Variants in ARHGEF7 observed in about 807,000 individuals in gnomAD.
The protein encoded by ARHGEF7 is Rho guanine nucleotide exchange factor 7, also known as PAK-interacting exchange factor beta.
In ARHGEF7, 33 loss-of-function variants were observed where a neutral mutation model predicts 109.8. The observed-to-expected ratio is 0.30, with a 90% CI of 0.23 to 0.40. The LOEUF (loss-of-function observed/expected upper bound fraction) is 0.40. Among genes scored for constraint, ARHGEF7 ranks in the 10% least tolerant of loss-of-function variants. ARHGEF7 has a pLI of 1.00. For synonymous variants in ARHGEF7, 458 were observed against 424.6 expected (o/e 1.08, Z -0.97); for missense variants, 938 against 1,098.5 (o/e 0.85, Z 2.07).
At chr13:111,167,656 A>G (rs1226910037) in intron 2 of ARHGEF7, among the ~76,000 whole-genome samples, 1 of 152,176 alleles carries the variant, frequency 6.6e-6, no homozygotes, top group Non-Finnish European at 1.5e-5. Context: ...TTCTGAGCAA[A>G]CAGAGTGTTA....
At position 111,153,939 on chromosome 13, in the gene ARHGEF7, T is replaced by A; in HGVS notation, c.200T>A (p.Leu67Gln). The A allele has an allele frequency of 6.2e-7, 1 of 1,605,726 alleles. No individual in the cohort carries two copies. Residue 67 changes from leucine (L) to glutamine (Q), a missense_variant, in exon 2 of 22, where the codon CTG (leucine) becomes CAG (glutamine). Physicochemically the swap from Leu to Gln is moderately radical, Grantham distance 113. This residue lies in a region of ARHGEF7 where 165 missense variants were observed against 125.8 expected (regional missense o/e 1.31). Transcript: ENST00000646102. Reference sequence around the variant, plus strand: ...GAGCCCCGGAGCGAGAGCGAGTGCCTGAGCAACATCCGCGAGTTCCTGCGC... The same window carrying A: ...GAGCCCCGGAGCGAGAGCGAGTGCCAGAGCAACATCCGCGAGTTCCTGCGC... ...YPEPRSESEC[L>Q]SNIREFLRGC... is the part of the protein sequence containing the mutation.
intron 4 of ARHGEF7, among the ~76,000 whole-genome samples, chr13:111,211,149 T>A (rs928299069): frequency 6.6e-6 from 1 of 152,184 alleles, no homozygotes; most frequent in Non-Finnish European, 1.5e-5. Context: ...AGTGCTGCAG[T>A]CCTCACAGCA....
intron 1 of ARHGEF7, among the ~76,000 whole-genome samples, chr13:111,136,601 A>G (rs574274262): frequency 6.6e-6 from 1 of 152,382 alleles, no homozygotes; most frequent in East Asian, 1.9e-4. Flanking sequence ...AGGAGTGTGT[A>G]GAGGGAAATT....
At chr13:111,133,949 C>A (rs950241051) in intron 1 of ARHGEF7, among the ~76,000 whole-genome samples, 2 of 151,032 alleles carry the variant, frequency 1.3e-5, no homozygotes, top group East Asian at 2.0e-4. Context: ...CTATCCCTCC[C>A]TCCTCCCCCC....
intron 8 of ARHGEF7, among the ~76,000 whole-genome samples, chr13:111,259,360 C>T (rs1010044294): frequency 1.3e-5 from 2 of 152,198 alleles, no homozygotes; most frequent in Non-Finnish European, 2.9e-5. Flanking sequence ...TCATCCTTCT[C>T]TAGCTCCAGC....
intron 8 of ARHGEF7, among the ~76,000 whole-genome samples, chr13:111,252,337 A>G (rs772366870): frequency 3.3e-5 from 5 of 152,248 alleles, no homozygotes; most frequent in Non-Finnish European, 7.3e-5. Context: ...TTAAGATAAG[A>G]TAGTGAGTGC....
chr13:111,277,366 A>G (rs575360492), intron 12 of ARHGEF7, among the ~76,000 whole-genome samples: 4 of 152,266 alleles, frequency 2.6e-5, no homozygotes, highest in South Asian at 4.1e-4. Flanking sequence ...CTCTTTACCT[A>G]TATGTTAAAG....
intron 2 of ARHGEF7, among the ~76,000 whole-genome samples, chr13:111,195,504 T>A (rs539036895): frequency 3.9e-5 from 6 of 152,316 alleles, no homozygotes; most frequent in African/African-American, 1.4e-4. Context: ...AGATTAACAC[T>A]GAGAAGGCCT....
chr13:111,126,486 T>C, intron 1 of ARHGEF7, among the ~76,000 whole-genome samples: 1 of 144,948 alleles, frequency 6.9e-6, no homozygotes, highest in African/African-American at 2.6e-5. Flanking sequence ...CGAGACTCCA[T>C]CTCAAAAAAA....
intron 15 of ARHGEF7, chr13:111,281,181 C>CTTTTGTTTTT (rs2092756570): frequency 1.7e-5 from 1 of 59,422 alleles, no homozygotes; most frequent in Non-Finnish European, 3.1e-5. Flanking sequence ...TATTTAGAGA[C>CTTTTGTTTTT]TTTTTTTTTT....
chr13:111,239,840 G>A lies in ARHGEF7; in HGVS notation c.760-4032G>A, dbSNP rs61711997. Reference sequence around the variant, plus strand: ...GTAGGCACTAGTGGAATGCTGACACGGAGAGGAGCTCAGTGTTTGGGAGGA... The same window carrying A: ...GTAGGCACTAGTGGAATGCTGACACAGAGAGGAGCTCAGTGTTTGGGAGGA... On this transcript the variant is annotated intron_variant, in intron 6 of 21. Coordinates refer to ENST00000646102, the MANE Select transcript of ARHGEF7 (RefSeq NM_001354046.2). This position sits in a 1 kb window ranked among gnomAD's most constrained non-coding sequence, Gnocchi z 4.3. Among the ~76,000 whole-genome samples, 2,920 of 152,176 alleles carry A rather than the reference G, an allele frequency of 0.019. 100 individuals are homozygous for A. Among genetic ancestry groups the A allele is most frequent in the African/African-American group, 0.067 (2,781 of 41,492 alleles).
At chr13:111,133,781 ATATATATATATATATATATATATATAT>A (rs1566606607) in intron 1 of ARHGEF7, among the ~76,000 whole-genome samples, 7 of 72,542 alleles carry the variant, frequency 9.6e-5, no homozygotes, top group African/African-American at 2.5e-4. Flanking sequence ...ATATATATAT[ATATATATATATATATATATATATATAT>A]ATATATTTAT....
Position 111,153,641 on chromosome 13 carries a change from G to A in ARHGEF7, c.166-264G>A, listed in dbSNP as rs536017140. ...CGGGCCGGCGGGGGCGCGGTCTGAGGACGTCACTTCCGGCGCCGGGGCTCA... is the reference window on the plus strand; with the variant it reads ...CGGGCCGGCGGGGGCGCGGTCTGAGAACGTCACTTCCGGCGCCGGGGCTCA... On this transcript the variant is annotated intron_variant, in intron 1 of 21. Coordinates refer to ENST00000646102, the MANE Select transcript of ARHGEF7 (RefSeq NM_001354046.2). 690 of 1,220,438 alleles carry A rather than the reference G, an allele frequency of 5.7e-4. 1 individual carries two copies. In the African/African-American group the frequency reaches 0.01, roughly 19 times the overall value. The allele number at this position is 1,220,438 out of a possible 1,614,324, so 75.6% of individuals were successfully genotyped here. A position where few individuals can be genotyped will look rare whatever the true frequency, so the allele number is the denominator to read the frequency against.
chr13:111,226,677 A>G (rs1023377027), intron 5 of ARHGEF7, among the ~76,000 whole-genome samples: 17 of 152,226 alleles, frequency 1.1e-4, no homozygotes, highest in Non-Finnish European at 2.4e-4. Flanking sequence ...GAGACATACA[A>G]AGAAATTAAT....
At chr13:111,236,368 G>A (rs190561337) in intron 6 of ARHGEF7, among the ~76,000 whole-genome samples, 3 of 151,908 alleles carry the variant, frequency 2.0e-5, no homozygotes, top group Non-Finnish European at 1.5e-5. Context: ...TCTTGTGTGC[G>A]TGTGTGTGTG....
chr13:111,144,259 G>A (rs1296255713), intron 1 of ARHGEF7: 3 of 152,250 alleles, frequency 2.0e-5, no homozygotes, highest in Non-Finnish European at 4.4e-5. Context: ...TTCATTTAGA[G>A]TTGGGCTTTG....
intron 1 of ARHGEF7, among the ~76,000 whole-genome samples, chr13:111,133,427 C>T (rs369525980): frequency 1.2e-4 from 18 of 152,010 alleles, no homozygotes; most frequent in Admixed American, 2.0e-4. Context: ...TATATACATA[C>T]GTTTCAGCTT....
At chr13:111,123,881 G>A (rs887881510) in intron 1 of ARHGEF7, among the ~76,000 whole-genome samples, 3 of 65,980 alleles carry the variant, frequency 4.5e-5, no homozygotes, top group South Asian at 5.4e-4. Context: ...CCCCGGCCCC[G>A]CCCCCTGCCC....
At chr13:111,161,895 G>A (rs1477889796) in intron 2 of ARHGEF7, among the ~76,000 whole-genome samples, 1 of 152,162 alleles carries the variant, frequency 6.6e-6, no homozygotes, top group Non-Finnish European at 1.5e-5. Flanking sequence ...TTTAATGGCT[G>A]CCTCTTAGTT....
Sources: gnomAD v4.1 joint callset for allele counts (sites outside exome capture counted in the v4.1 genomes callset) on GRCh38, gnomAD v4.1.1 for gene constraint, gnomAD v4.1.1 regional missense constraint, Gnocchi (gnomAD v3.1) non-coding constraint, MANE v1.5 for transcripts, NCBI Gene and HGNC (gene_info 2026-07-23, HGNC 2026-07-21) for gene names.